Variants in ROCK2 observed in about 807,000 individuals in gnomAD.
The protein encoded by ROCK2 is Rho associated coiled-coil containing protein kinase 2.
A neutral mutation model predicts 195.1 loss-of-function variants in ROCK2; 61 were observed. The observed-to-expected ratio is 0.31, with a 90% CI of 0.25 to 0.39. The LOEUF is 0.39. Among genes scored for constraint, ROCK2 ranks in the 10% least tolerant of loss-of-function variants. The probability of loss-of-function intolerance (pLI) is 1.00; values close to 1 mark genes in which losing one functional copy is unlikely to be tolerated. For synonymous variants in ROCK2, 504 were observed against 545.5 expected (o/e 0.92, Z 1.06); for missense variants, 1,109 against 1,637.4 (o/e 0.68, Z 5.57).
chr2:11,217,752 G>C (rs1664484369), intron 11 of ROCK2: 1 of 153,064 alleles, frequency 6.5e-6, no homozygotes, highest in Non-Finnish European at 1.5e-5. Context: ...CTTTAAACAA[G>C]CAAAAATTAC....
intron 4 of ROCK2, among the ~76,000 whole-genome samples, chr2:11,246,942 G>C (rs1665638153): frequency 6.6e-6 from 1 of 152,140 alleles, no homozygotes; most frequent in East Asian, 1.9e-4. Context: ...TAGTCAAAAA[G>C]GAGAAACAAC....
At chr2:11,231,341 G>T (rs772536622) in intron 5 of ROCK2, among the ~76,000 whole-genome samples, 84 of 152,098 alleles carry the variant, frequency 5.5e-4, no homozygotes, top group Non-Finnish European at 8.4e-4. Context: ...GTAGGTAGGT[G>T]GGACTATAGG....
At chr2:11,275,667 G>C (rs904345945) in intron 3 of ROCK2, among the ~76,000 whole-genome samples, 40 of 144,878 alleles carry the variant, frequency 2.8e-4, no homozygotes, top group African/African-American at 9.9e-4. Context: ...AATTGAGGGA[G>C]AAAACACATT....
In ROCK2 at chr2:11,185,242, C is replaced by CAAGCTCAATT. The variant is rs1558270705; in HGVS notation, c.4164-1803_4164-1802insAATTGAGCTT. 4.6e-5 allele frequency among the ~76,000 whole-genome samples: 7 copies of CAAGCTCAATT among 152,208 alleles called. No homozygotes were observed. The East Asian group carries it at 1.3e-3, about 29-fold the overall frequency. ...GCAGCTTTCTGAATTCCAGTAGGAC[C>CAAGCTCAATT]CTGCCTGCTCAATGTGTCACCAAGA... On this transcript the variant is annotated intron_variant, in intron 32 of 32. Transcript: ENST00000315872.
intron 3 of ROCK2, among the ~76,000 whole-genome samples, chr2:11,281,345 G>A (rs1026755578): frequency 6.6e-6 from 1 of 151,682 alleles, no homozygotes. Flanking sequence ...AAGAACAAAA[G>A]CAAGGACATT....
At chr2:11,306,299 A>T (rs1667856802) in intron 1 of ROCK2, among the ~76,000 whole-genome samples, 1 of 152,216 alleles carries the variant, frequency 6.6e-6, no homozygotes, top group Non-Finnish European at 1.5e-5. Flanking sequence ...TAACTGCACC[A>T]GTTGGTGGTA....
intron 1 of ROCK2, among the ~76,000 whole-genome samples, chr2:11,302,399 A>G (rs941104948): frequency 6.6e-6 from 1 of 151,246 alleles, no homozygotes; most frequent in Non-Finnish European, 1.5e-5. Flanking sequence ...GCTCATTGCA[A>G]CCTCCGCAAG....
chr2:11,269,107 T>G (rs1466899307), intron 3 of ROCK2, among the ~76,000 whole-genome samples: 2 of 152,224 alleles, frequency 1.3e-5, no homozygotes, highest in Non-Finnish European at 2.9e-5. Flanking sequence ...TGGTTTCTTT[T>G]TAGGTTTTCT....
intron 1 of ROCK2, among the ~76,000 whole-genome samples, chr2:11,304,321 T>C (rs1223356130): frequency 6.6e-6 from 1 of 152,166 alleles, no homozygotes; most frequent in East Asian, 1.9e-4. Context: ...GTCTTTCACA[T>C]CTCCATTCAT....
At chr2:11,306,231 C>T (rs1226722415) in intron 1 of ROCK2, among the ~76,000 whole-genome samples, 1 of 152,152 alleles carries the variant, frequency 6.6e-6, no homozygotes, top group Non-Finnish European at 1.5e-5. Context: ...AAGGCATGTT[C>T]CTGACTCAGG....
At chr2:11,185,507 T>C (rs1240643795) in intron 32 of ROCK2, among the ~76,000 whole-genome samples, 2 of 152,324 alleles carry the variant, frequency 1.3e-5, no homozygotes, top group East Asian at 3.9e-4. Flanking sequence ...GGCGGGCAGA[T>C]CACCTGAGGT....
intron 1 of ROCK2, among the ~76,000 whole-genome samples, chr2:11,290,789 C>A (rs1490589108): frequency 6.6e-6 from 1 of 152,112 alleles, no homozygotes; most frequent in Admixed American, 6.5e-5. Flanking sequence ...AAAATCAGTA[C>A]CCGGAGTGAA....
chr2:11,262,252 C>A (rs1666253372), intron 3 of ROCK2, among the ~76,000 whole-genome samples: 2 of 151,484 alleles, frequency 1.3e-5, no homozygotes, highest in South Asian at 2.1e-4. Flanking sequence ...TGAAAAAAAA[C>A]AAAGAACAAA....
chr2:11,320,903 G>C (rs1232653771), intron 1 of ROCK2, among the ~76,000 whole-genome samples: 3 of 152,214 alleles, frequency 2.0e-5, no homozygotes, highest in African/African-American at 7.2e-5. Context: ...GAGTACCAGA[G>C]AGGAGGGAGG....
intron 1 of ROCK2, among the ~76,000 whole-genome samples, chr2:11,339,770 A>C (rs924357436): frequency 6.6e-5 from 10 of 152,224 alleles, no homozygotes; most frequent in African/African-American, 2.2e-4. Context: ...ACACAAATGT[A>C]GTAATCTATG....
rs190290058 is a variant in ROCK2, at chr2:11,194,164, T to C, written c.3608+92A>G. On this transcript the variant is annotated intron_variant, in intron 29 of 32. Coordinates refer to ENST00000315872, the MANE Select transcript of ROCK2 (RefSeq NM_004850.5). ...ACAGGAAAATGTAACAATATTACAG[T>C]AGGAGCTATACTATGAGACTAATAA... 7 of 521,684 alleles carry C rather than the reference T, an allele frequency of 1.3e-5. No individual in the cohort carries two copies. The Admixed American group carries it at 1.7e-4, about 12-fold the overall frequency. The allele number at this position is 521,684 out of a possible 1,614,324, so 32.3% of individuals were successfully genotyped here. A position where few individuals can be genotyped will look rare whatever the true frequency, so the allele number is the denominator to read the frequency against.
At chr2:11,277,182 C>T (rs189572342) in intron 3 of ROCK2, among the ~76,000 whole-genome samples, 1 of 152,264 alleles carries the variant, frequency 6.6e-6, no homozygotes, top group Non-Finnish European at 1.5e-5. Context: ...TTAGGGTTCA[C>T]TGTTTGTGCT....
At chr2:11,242,226 G>A (rs1054738398) in intron 4 of ROCK2, among the ~76,000 whole-genome samples, 3 of 152,070 alleles carry the variant, frequency 2.0e-5, no homozygotes, top group Non-Finnish European at 4.4e-5. Flanking sequence ...AGTCAGAAAG[G>A]TAACATAGCA....
At chr2:11,322,706 T>C (rs762280810) in intron 1 of ROCK2, among the ~76,000 whole-genome samples, 2 of 152,242 alleles carry the variant, frequency 1.3e-5, no homozygotes, top group Non-Finnish European at 2.9e-5. Context: ...ACCTGGACTA[T>C]GTCTTAAACA....
Sources: gnomAD v4.1 joint callset for allele counts (sites outside exome capture counted in the v4.1 genomes callset) on GRCh38, gnomAD v4.1.1 for gene constraint, MANE v1.5 for transcripts, NCBI Gene and HGNC (gene_info 2026-07-23, HGNC 2026-07-21) for gene names.